ZFP69: variants seen among roughly 807,000 people sequenced by gnomAD.
ZFP69 encodes zinc finger protein 69 homolog.
Under a neutral mutation model 48.9 loss-of-function variants are expected in ZFP69, and 35 were observed. That is an observed-to-expected ratio of 0.72 (90% CI 0.55 to 0.95). The LOEUF (loss-of-function observed/expected upper bound fraction) is 0.95, where lower values mean the gene tolerates loss of function less well. Ranked by LOEUF, ZFP69 falls within the 40% of genes least tolerant of loss-of-function variation. The pLI, the probability that ZFP69 is intolerant of heterozygous loss-of-function variation, is 0.00. For synonymous variants in ZFP69, 193 were observed against 216.8 expected, an observed-to-expected ratio of 0.89 and a Z score of 0.96; for missense variants, 557 against 638.4, an observed-to-expected ratio of 0.87 and a Z score of 1.37.
Position 40,496,003 on chromosome 1 carries a change from TC to T in ZFP69, c.1526del (p.Ser509TyrfsTer25), listed in dbSNP as rs1420857032. The T allele has an allele frequency of 6.2e-6, 10 of 1,612,654 alleles. No homozygotes were observed. Among genetic ancestry groups the T allele is most frequent in the Non-Finnish European group, 8.5e-6 (10 of 1,179,388 alleles). The part of the protein sequence containing the change: ...ECGKAFSYNS[S>X]LSRHHEIHRR... ...TGGAAAAGCCTTCAGCTATAACTCT[TC>T]ACTTAGTCGACATCATGAAATACAC... is the stretch of plus-strand genomic sequence containing the variant. On this transcript the variant is annotated frameshift_variant, in exon 6 of 6. Coordinates refer to ENST00000372706, the MANE Select transcript of ZFP69 (RefSeq NM_001320179.2). LOFTEE classifies it high-confidence loss of function.
chr1:40,495,126 T>G lies in ZFP69; in HGVS notation c.648T>G (p.His216Gln). ...ATGTGAGACAAGCCATCTTGACCCA[T>G]AAGAAGAGAGTCCAAGAAACTAACA... is the stretch of plus-strand genomic sequence containing the variant. Reference protein sequence around the residue: ...MRDVRQAILTHKKRVQETNKF... With the variant: ...MRDVRQAILTQKKRVQETNKF... Residue 216 changes from histidine to glutamine, a missense_variant, in exon 6 of 6, where the codon CAT becomes CAG. His to Gln is a conservative substitution (Grantham distance 24). Transcript: ENST00000372706. The G allele has an allele frequency of 1.2e-6, 2 of 1,614,048 alleles. No individual in the cohort carries two copies. Among genetic ancestry groups the G allele is most frequent in the South Asian group, 2.2e-5 (2 of 91,084 alleles).
chr1:40,492,324 TTAAC>T, intron 5 of ZFP69, among the ~76,000 whole-genome samples: 1 of 152,254 alleles, frequency 6.6e-6, no homozygotes, highest in Non-Finnish European at 1.5e-5. Flanking sequence ...GGAAATCTGA[TTAAC>T]TTTTTCCACA....
intron 3 of ZFP69, among the ~76,000 whole-genome samples, chr1:40,484,011 G>A (rs1169998600): frequency 6.6e-6 from 1 of 152,066 alleles, no homozygotes; most frequent in East Asian, 1.9e-4. Flanking sequence ...GGGAGGCGGA[G>A]GTTGCATGAG....
rs376846774 is a variant in ZFP69 at position 40,495,122 on chromosome 1, C to T, written c.644C>T (p.Thr215Ile). ...CMRDVRQAIL[T>I]HKKRVQETNK... ...AGAGATGTGAGACAAGCCATCTTGACCCATAAGAAGAGAGTCCAAGAAACT... is the reference window on the plus strand; with the variant it reads ...AGAGATGTGAGACAAGCCATCTTGATCCATAAGAAGAGAGTCCAAGAAACT... Residue 215 changes from threonine to isoleucine, a missense_variant, in exon 6 of 6, where the codon ACC becomes ATC. By Grantham distance (89) the Thr-to-Ile change is moderately conservative (BLOSUM62 -1). Coordinates refer to ENST00000372706, the MANE Select transcript of ZFP69 (RefSeq NM_001320179.2). 18 of 1,613,862 alleles carry T rather than the reference C, an allele frequency of 1.1e-5. No individual in the cohort carries two copies. The highest frequency in any genetic ancestry group is 3.3e-4 in the Middle Eastern group (2 of 6,084).
intron 3 of ZFP69, among the ~76,000 whole-genome samples, chr1:40,486,925 ATTT>A (rs557530908): frequency 3.0e-5 from 4 of 135,386 alleles, no homozygotes; most frequent in African/African-American, 5.4e-5. Flanking sequence ...TTTACAGTTG[ATTT>A]TTTTTTTTTT....
intron 4 of ZFP69, 69 bp downstream of exon 4, chr1:40,489,283 A>G: frequency 6.4e-7 from 1 of 1,563,158 alleles, no homozygotes; most frequent in Middle Eastern, 1.7e-4. Context: ...TAAATTATTG[A>G]TGTGTAGATT....
chr1:40,489,194 A>T lies in ZFP69; in HGVS notation c.326A>T (p.Tyr109Phe), dbSNP rs984510764. Residue 109 changes from tyrosine to phenylalanine, a missense_variant, in exon 4 of 6, where the codon TAC becomes TTC. Transcript: ENST00000372706. ...NLYREVMLEN[Y>F]SNLVSVGYQL... ...TACCGAGAGGTGATGCTGGAGAACT[A>T]CAGCAACTTGGTGTCAGTGGGTAAG... is the stretch of plus-strand genomic sequence containing the variant. 1.9e-6 allele frequency: 3 copies of T among 1,614,142 alleles called. No individual in the cohort carries two copies. The highest frequency in any genetic ancestry group is 1.7e-5 in the Admixed American group (1 of 60,026).
chr1:40,478,897 A>C (rs1262694523), intron 1 of ZFP69, 139 bp from the exon 2 acceptor site: 2 of 167,586 alleles, frequency 1.2e-5, no homozygotes, highest in African/African-American at 4.8e-5. Flanking sequence ...TGGTCTGTGC[A>C]TGTTTGTACA....
chr1:40,479,317 G>C lies in ZFP69; in HGVS notation c.-45G>C, dbSNP rs1645420619. The stretch of plus-strand genomic sequence containing the variant: ...TGAAGCGTCTCATCAAGAGCTTCTG[G>C]CAATTTCCTCACCAGAAGTGGACAA... On this transcript the variant is annotated 5_prime_UTR_variant, in exon 2 of 6. Coordinates refer to ENST00000372706, the MANE Select transcript of ZFP69 (RefSeq NM_001320179.2). 6.2e-7 allele frequency: 1 copy of C among 1,610,038 alleles called. No individual in the cohort carries two copies. Among genetic ancestry groups the C allele is most frequent in the South Asian group, 1.1e-5 (1 of 90,990 alleles).
intron 5 of ZFP69, among the ~76,000 whole-genome samples, chr1:40,491,993 GA>G (rs1164234756): frequency 6.6e-6 from 1 of 151,910 alleles, no homozygotes; most frequent in African/African-American, 2.4e-5. Flanking sequence ...TGCTTTTTAA[GA>G]AACCCTTTTA....
At chr1:40,486,283 A>AT (rs1180742215) in intron 3 of ZFP69, among the ~76,000 whole-genome samples, 3 of 151,076 alleles carry the variant, frequency 2.0e-5, no homozygotes, top group African/African-American at 7.3e-5. Context: ...CTGTGGGTTG[A>AT]TTTTTTTTCC....
intron 5 of ZFP69, among the ~76,000 whole-genome samples, chr1:40,491,998 C>T (rs550289762): frequency 1.3e-5 from 2 of 151,800 alleles, no homozygotes; most frequent in Admixed American, 6.6e-5. Context: ...TTTAAGAAAC[C>T]CTTTTATGCC....
Position 40,495,532 on chromosome 1 carries a change from G to A in ZFP69, c.1054G>A (p.Glu352Lys). The A allele has an allele frequency of 6.2e-7, 1 of 1,614,158 alleles. No individual in the cohort carries two copies. The highest frequency in any genetic ancestry group is 2.2e-5 in the East Asian group (1 of 44,878). ...LNQHHRTHTGEKPYVCDKCQK... is the reference protein window; with the variant it reads ...LNQHHRTHTGKKPYVCDKCQK... ...TCAGCATCATAGAACTCACACTGGGGAGAAACCCTATGTATGTGATAAATG... is the reference window on the plus strand; with the variant it reads ...TCAGCATCATAGAACTCACACTGGGAAGAAACCCTATGTATGTGATAAATG... The change falls in exon 6 of 6, where the codon GAG becomes AAG. Residue 352 changes from glutamate (E) to lysine (K), a missense_variant. Transcript: ENST00000372706.
chr1:40,479,357 G>T lies in ZFP69; in HGVS notation c.-5G>T, dbSNP rs766615061. On this transcript the variant is annotated 5_prime_UTR_variant, in exon 2 of 6. Transcript: ENST00000372706. The stretch of plus-strand genomic sequence containing the variant: ...GAAGTGGACAAGTCCAGTAAGGCAG[G>T]CATCATGCCACAGCAGCTCCTGATC... 1.2e-6 allele frequency: 2 copies of T among 1,613,386 alleles called. No homozygotes were observed. Among genetic ancestry groups the T allele is most frequent in the South Asian group, 1.1e-5 (1 of 91,052 alleles).
chr1:40,489,718 G>C (rs1474794355), intron 5 of ZFP69, 94 bp downstream of exon 5: 5 of 865,904 alleles, frequency 5.8e-6, no homozygotes, highest in Non-Finnish European at 8.8e-6. Flanking sequence ...ATTGGCTAAT[G>C]ATTCTGCAGG....
In ZFP69 at chr1:40,495,461, A is replaced by T. The variant is rs144613252; in HGVS notation, c.983A>T (p.Glu328Val). The T allele has an allele frequency of 3.3e-3, 5,388 of 1,614,200 alleles. 18 individuals are homozygous for T. The highest frequency in any genetic ancestry group is 4.4e-3 in the Admixed American group (263 of 60,026). Reference sequence around the variant, plus strand: ...ATCCATACTGGTGAGAAACCCTTTGAATGTGAGGAATGTGGGAAAGCCTTC... The same window carrying T: ...ATCCATACTGGTGAGAAACCCTTTGTATGTGAGGAATGTGGGAAAGCCTTC... ...QRIHTGEKPF[E>V]CEECGKAFRH... The change falls in exon 6 of 6, where the codon GAA becomes GTA. Residue 328 changes from glutamate to valine, a missense_variant. Transcript: ENST00000372706.
rs1645446619 is a variant in ZFP69 at position 40,481,854 on chromosome 1, G to C, written c.219G>C (p.Gln73His). ...VTPGLPTAES[Q>H]ELLTFKDISI... ...CTGGACTCCCGACAGCAGAATCCCA[G>C]GTGAGTAGGGATTCATCTCATTTTC... Residue 73 changes from glutamine (Q) to histidine (H), a missense_variant and splice_region_variant, in exon 3 of 6, where the codon CAG (glutamine) becomes CAC (histidine). Transcript: ENST00000372706. 1 of 1,605,236 alleles carries C rather than the reference G, an allele frequency of 6.2e-7. No homozygotes were observed. The highest frequency in any genetic ancestry group is 1.3e-5 in the African/African-American group (1 of 74,636).
Position 40,479,206 on chromosome 1 carries a change from C to A in ZFP69, c.-156C>A, listed in dbSNP as rs181770145. The A allele has an allele frequency of 2.0e-3, 1,780 of 901,828 alleles. 4 individuals carry two copies. The highest frequency in any genetic ancestry group is 0.016 in the Middle Eastern group (43 of 2,750). 55.9% of individuals were successfully genotyped at this position (901,828 alleles called of 1,614,324 possible). A position where few individuals can be genotyped will look rare whatever the true frequency, so the allele number is the denominator to read the frequency against. ...AGAATTGTTAAAGTCACATCAGTCT[C>A]TAGGAACCCCCAGGTCCTGGTGCTG... On this transcript the variant is annotated 5_prime_UTR_variant, in exon 2 of 6. Coordinates refer to ENST00000372706, the MANE Select transcript of ZFP69 (RefSeq NM_001320179.2).
chr1:40,486,396 T>TCCTCCCTCCTTTCCTC (rs1367412969), intron 3 of ZFP69, among the ~76,000 whole-genome samples: 9 of 148,360 alleles, frequency 6.1e-5, no homozygotes, highest in African/African-American at 1.7e-4. Context: ...CTTCCTCCCT[T>TCCTCCCTCCTTTCCTC]CCTCCCTCCT....
Sources: allele counts gnomAD v4.1 joint callset (sites outside exome capture counted in the v4.1 genomes callset), GRCh38; gene constraint gnomAD v4.1.1; transcripts MANE v1.5; gene names NCBI Gene and HGNC (gene_info 2026-07-23, HGNC 2026-07-21).